The following FAM135A variants were observed in gnomAD, a reference collection of about 807,000 sequenced individuals.
The protein encoded by FAM135A is protein FAM135A.
FAM135A carries 79 observed loss-of-function variants against 146.8 expected under a neutral mutation model. The ratio of observed to expected loss-of-function variants is 0.54; its 90% CI spans 0.45 to 0.65. FAM135A has a LOEUF of 0.65. Ranked by LOEUF, FAM135A falls within the 30% of genes least tolerant of loss-of-function variation. The pLI, the probability that FAM135A is intolerant of heterozygous loss-of-function variation, is 0.00. For synonymous variants in FAM135A, 562 were observed against 603.6 expected (o/e 0.93, Z 1.01); for missense variants, 1,623 against 1,758.2 (o/e 0.92, Z 1.38).
Position 70,525,159 on chromosome 6 carries a change from T to G in FAM135A, c.2075T>G (p.Leu692Ter). ...CAAGAGGAAATACTTGTGGATAATT[T>G]ACTACCCAACTTTGAGTCCTTAGAA... ...LRQEEILVDN[L>*]LPNFESLESN... is the part of the protein sequence containing the mutation. Residue 692 changes from leucine to a stop codon, truncating the protein, a stop_gained, in exon 15 of 22, where the codon TTA becomes TGA. Coordinates refer to ENST00000418814, the MANE Select transcript of FAM135A (RefSeq NM_001162529.3). LOFTEE classifies it high-confidence loss of function. 1 of 1,581,340 alleles carries G rather than the reference T, an allele frequency of 6.3e-7. No individual in the cohort carries two copies. Among genetic ancestry groups the G allele is most frequent in the Non-Finnish European group, 8.6e-7 (1 of 1,167,770 alleles).
At chr6:70,489,998 T>A (rs1785564941) in intron 10 of FAM135A, among the ~76,000 whole-genome samples, 1 of 152,162 alleles carries the variant, frequency 6.6e-6, no homozygotes, top group Non-Finnish European at 1.5e-5. Context: ...TGCTCGTATC[T>A]GGCCGTCTCC....
Position 70,482,105 on chromosome 6 carries a change from C to CTTCAT in FAM135A, c.776_780dup (p.Thr261SerfsTer4), listed in dbSNP as rs771688071. On this transcript the variant is annotated frameshift_variant, in exon 10 of 22. Coordinates refer to ENST00000418814, the MANE Select transcript of FAM135A (RefSeq NM_001162529.3). LOFTEE classifies it high-confidence loss of function. ...TAGCCTTCAAGGGATTGCACAGCTA[C>CTTCAT]TTCATTACAGTAACAGAAGAGATTC... 6.2e-7 allele frequency: 1 copy of CTTCAT among 1,613,750 alleles called. No homozygotes were observed. Among genetic ancestry groups the CTTCAT allele is most frequent in the South Asian group, 1.1e-5 (1 of 91,078 alleles).
chr6:70,427,371 A>G (rs1174630226), intron 3 of FAM135A, among the ~76,000 whole-genome samples: 1 of 152,060 alleles, frequency 6.6e-6, no homozygotes, highest in Non-Finnish European at 1.5e-5. Flanking sequence ...ATCTCTACTA[A>G]AAATACAAAA....
intron 12 of FAM135A, among the ~76,000 whole-genome samples, chr6:70,520,954 A>G (rs1192240071): frequency 6.6e-6 from 1 of 152,250 alleles, no homozygotes; most frequent in African/African-American, 2.4e-5. Context: ...TTGGAGCACA[A>G]GAACTGGAGT....
chr6:70,557,691 T>A (rs1801124497), intron 21 of FAM135A: 1 of 77,456 alleles, frequency 1.3e-5, no homozygotes, highest in Non-Finnish European at 2.4e-5. Context: ...CGAAACTCTG[T>A]CTCAAAAAAA....
At chr6:70,464,626 T>C (rs566216075) in intron 5 of FAM135A, among the ~76,000 whole-genome samples, 1 of 151,592 alleles carries the variant, frequency 6.6e-6, no homozygotes, top group East Asian at 1.9e-4. Context: ...TTTCAGTTAT[T>C]TATTTTTTTA....
intron 5 of FAM135A, 104 bp from the exon 6 acceptor site, chr6:70,475,306 C>G (rs1782410058): frequency 2.2e-6 from 2 of 921,068 alleles, no homozygotes; most frequent in Non-Finnish European, 3.2e-6. Flanking sequence ...GATAATGACA[C>G]TATAGTAATA....
In FAM135A at chr6:70,526,368, T is replaced by A. The variant is rs1246265100; in HGVS notation, c.3284T>A (p.Val1095Asp). The A allele has an allele frequency of 1.2e-6, 2 of 1,613,266 alleles. No individual in the cohort carries two copies. Residue 1095 changes from valine (V) to aspartate (D), a missense_variant, in exon 15 of 22, where the codon GTT (valine) becomes GAT (aspartate). By Grantham distance (152) the Val-to-Asp change is radical (BLOSUM62 -3). Transcript: ENST00000418814. ...DEEEEQDQQM[V>D]QNGYYEETDY... ...GAGGAAGAGCAGGATCAACAAATGG[T>A]TCAAAATGGGTACTATGAAGAAACA...
At chr6:70,429,608 G>A (rs1194686085) in intron 4 of FAM135A, among the ~76,000 whole-genome samples, 2 of 152,118 alleles carry the variant, frequency 1.3e-5, no homozygotes, top group African/African-American at 4.8e-5. Flanking sequence ...GTAAAGAATG[G>A]CAAGGTTATA....
At position 70,428,302 on chromosome 6, in the gene FAM135A, A is replaced by G; in HGVS notation, c.-39-2A>G. On this transcript the variant is annotated splice_acceptor_variant, in intron 3 of 21. Transcript: ENST00000418814. LOFTEE classifies it low-confidence loss of function (5UTR_SPLICE). ...ATGATTTTTTCCCTTTCCTTAACAAAGGTGCTGTTATCAGAATAGTCTTCT... is the reference window on the plus strand; with the variant it reads ...ATGATTTTTTCCCTTTCCTTAACAAGGGTGCTGTTATCAGAATAGTCTTCT... The G allele has an allele frequency of 7.2e-7, 1 of 1,391,890 alleles. No homozygotes were observed. Among genetic ancestry groups the G allele is most frequent in the Non-Finnish European group, 9.8e-7 (1 of 1,024,190 alleles). The allele number at this position is 1,391,890 out of a possible 1,614,324, so 86.2% of individuals were successfully genotyped here. A position where few individuals can be genotyped will look rare whatever the true frequency, so the allele number is the denominator to read the frequency against.
intron 4 of FAM135A, among the ~76,000 whole-genome samples, chr6:70,432,781 A>T (rs2127817312): frequency 6.6e-6 from 1 of 151,980 alleles, no homozygotes; most frequent in South Asian, 2.1e-4. Context: ...AATATAAAGG[A>T]AGACATCGAC....
chr6:70,535,031 A>G (rs867197807), intron 18 of FAM135A, among the ~76,000 whole-genome samples: 1 of 152,186 alleles, frequency 6.6e-6, no homozygotes, highest in South Asian at 2.1e-4. Flanking sequence ...TTTTATGATG[A>G]GAAAAATAAT....
At chr6:70,527,287 C>T (rs543444595) in intron 15 of FAM135A, among the ~76,000 whole-genome samples, 4 of 151,996 alleles carry the variant, frequency 2.6e-5, no homozygotes, top group Non-Finnish European at 5.9e-5. Context: ...GGTTTACCAG[C>T]GTGCACTGGT....
chr6:70,413,678 G>A lies in FAM135A; in HGVS notation c.-244G>A, dbSNP rs561799055. On this transcript the variant is annotated 5_prime_UTR_variant, in exon 1 of 22. Coordinates refer to ENST00000418814, the MANE Select transcript of FAM135A (RefSeq NM_001162529.3). The stretch of plus-strand genomic sequence containing the variant: ...ACGAGCTCCTCCGTTCGACAGGCGG[G>A]GGAAGAGGCCGAGCCGGGCGAGAGG... 2.3e-6 allele frequency: 1 copy of A among 434,444 alleles called. No homozygotes were observed. The highest frequency in any genetic ancestry group is 3.1e-6 in the Non-Finnish European group (1 of 325,704). 26.9% of individuals were successfully genotyped at this position (434,444 alleles called of 1,614,324 possible).
intron 20 of FAM135A, among the ~76,000 whole-genome samples, chr6:70,554,823 C>T (rs768816722): frequency 5.9e-5 from 9 of 152,108 alleles, no homozygotes; most frequent in East Asian, 1.9e-4. Flanking sequence ...AGATGGGTTT[C>T]GCCATGTTGG....
At chr6:70,414,065 G>A in intron 1 of FAM135A, 3 of 984,158 alleles carry the variant, frequency 3.0e-6, no homozygotes, top group Non-Finnish European at 3.6e-6. Context: ...TCCTTTACCC[G>A]CTTTCGTGGT....
intron 16 of FAM135A, among the ~76,000 whole-genome samples, chr6:70,532,111 C>T (rs1179334902): frequency 6.6e-6 from 1 of 151,536 alleles, no homozygotes; most frequent in Non-Finnish European, 1.5e-5. Flanking sequence ...CTCCTGACCT[C>T]GTGATCCACC....
intron 8 of FAM135A, 99 bp from the exon 9 acceptor site, chr6:70,480,802 C>T: frequency 8.6e-7 from 1 of 1,167,220 alleles, no homozygotes; most frequent in Non-Finnish European, 1.1e-6. Context: ...CTTGCAAAAC[C>T]CTTGCTGTTC....
intron 13 of FAM135A, 89 bp from the exon 14 acceptor site, chr6:70,523,878 G>C (rs1232283023): frequency 4.5e-6 from 6 of 1,319,834 alleles, no homozygotes; most frequent in Non-Finnish European, 6.3e-6. Context: ...GATAGGAATT[G>C]AGGAGGGAAG....
Sources: gnomAD v4.1 joint callset for allele counts (sites outside exome capture counted in the v4.1 genomes callset) on GRCh38, gnomAD v4.1.1 for gene constraint, MANE v1.5 for transcripts, NCBI Gene and HGNC (gene_info 2026-07-23, HGNC 2026-07-21) for gene names.